The following ERC2 variants were observed in gnomAD, a reference collection of about 807,000 sequenced individuals.
The protein encoded by ERC2 is ERC protein 2.
ERC2 carries 42 observed loss-of-function variants against 114.8 expected under a neutral mutation model. The observed-to-expected ratio is 0.37, with a 90% CI of 0.29 to 0.47. The LOEUF is 0.47. Ranked by LOEUF, ERC2 falls within the 20% of genes least tolerant of loss-of-function variation. The pLI, the probability that ERC2 is intolerant of heterozygous loss-of-function variation, is 0.99. For missense variants in ERC2, 939 were observed against 1,150.7 expected, an observed-to-expected ratio of 0.82 and a Z score of 2.66; for synonymous variants, 454 against 425.5, an observed-to-expected ratio of 1.07 and a Z score of -0.82.
At chr3:56,320,350 C>T (rs1305130921) in intron 2 of ERC2, among the ~76,000 whole-genome samples, 1 of 152,216 alleles carries the variant, frequency 6.6e-6, no homozygotes, top group African/African-American at 2.4e-5. Context: ...TAGAACTTTA[C>T]TCCAAGTTCA....
At chr3:56,297,295 C>T (rs139663231) in intron 2 of ERC2, among the ~76,000 whole-genome samples, 7 of 151,702 alleles carry the variant, frequency 4.6e-5, no homozygotes, top group South Asian at 2.1e-4. Context: ...ATAGCATTGA[C>T]GTTTGATAGA....
At chr3:55,584,372 T>C (rs1299055047) in intron 17 of ERC2, among the ~76,000 whole-genome samples, 1 of 152,184 alleles carries the variant, frequency 6.6e-6, no homozygotes, top group Non-Finnish European at 1.5e-5. Context: ...CACGCCTGGT[T>C]TACATCAATG....
intron 6 of ERC2, among the ~76,000 whole-genome samples, chr3:56,112,861 T>C (rs559811607): frequency 2.6e-5 from 4 of 152,238 alleles, no homozygotes; most frequent in African/African-American, 7.2e-5. Context: ...CCTGCAAATA[T>C]GACTTACATA....
intron 14 of ERC2, among the ~76,000 whole-genome samples, chr3:55,836,481 C>G (rs1279334620): frequency 6.6e-6 from 1 of 152,172 alleles, no homozygotes; most frequent in Non-Finnish European, 1.5e-5. Context: ...TTTGACAAAC[C>G]TGAGAAAAAC....
intron 10 of ERC2, among the ~76,000 whole-genome samples, chr3:55,997,895 T>G (rs2071671494): frequency 7.4e-5 from 4 of 53,914 alleles, no homozygotes; most frequent in South Asian, 7.8e-4. Context: ...TTTTTTTTTT[T>G]TTTTTTTTTT....
At chr3:55,702,540 A>AT (rs5849107) in intron 15 of ERC2, among the ~76,000 whole-genome samples, 33 of 150,848 alleles carry the variant, frequency 2.2e-4, no homozygotes, top group African/African-American at 2.4e-4. Flanking sequence ...TCTCTTTTAA[A>AT]TTTTTTTTTT....
At chr3:56,089,747 G>C (rs1452993176) in intron 6 of ERC2, among the ~76,000 whole-genome samples, 3 of 152,140 alleles carry the variant, frequency 2.0e-5, no homozygotes, top group Non-Finnish European at 4.4e-5. Context: ...CCTAGGCTTA[G>C]AATTTCAATC....
chr3:56,047,347 A>G (rs924085315), intron 7 of ERC2, among the ~76,000 whole-genome samples: 2 of 152,210 alleles, frequency 1.3e-5, no homozygotes, highest in Non-Finnish European at 2.9e-5. Flanking sequence ...GGGGTAAGTG[A>G]TGCAAATCCA....
At chr3:55,542,728 C>G (rs928832853) in intron 17 of ERC2, among the ~76,000 whole-genome samples, 1 of 152,110 alleles carries the variant, frequency 6.6e-6, no homozygotes, top group Non-Finnish European at 1.5e-5. Context: ...TCTGGGTAAC[C>G]TTTTTCATCC....
chr3:56,304,991 C>G (rs1003803513), intron 2 of ERC2, among the ~76,000 whole-genome samples: 2 of 151,738 alleles, frequency 1.3e-5, no homozygotes, highest in Non-Finnish European at 2.9e-5. Context: ...TAAGTTAGGA[C>G]AGTAAGACCA....
At chr3:56,252,757 C>CAAAAAAAAAA (rs71099628) in intron 3 of ERC2, among the ~76,000 whole-genome samples, 27 of 74,112 alleles carry the variant, frequency 3.6e-4, no homozygotes, top group African/African-American at 1.3e-3. Context: ...AACTCTGTCT[C>CAAAAAAAAAA]AAAAAAAAAA....
intron 17 of ERC2, among the ~76,000 whole-genome samples, chr3:55,583,387 T>TTCCTTCCTTCCTTCCTTCCTTCC (rs1559692058): frequency 7.8e-6 from 1 of 127,682 alleles, no homozygotes; most frequent in Non-Finnish European, 1.6e-5. Context: ...TCCTTCTTTC[T>TTCCTTCCTTCCTTCCTTCCTTCC]TTCCTTCCTT....
intron 7 of ERC2, among the ~76,000 whole-genome samples, chr3:56,064,257 G>A (rs139357567): frequency 1.2e-3 from 189 of 152,296 alleles, no homozygotes; most frequent in African/African-American, 4.3e-3. Flanking sequence ...CGGTAACATG[G>A]AACTGCAGCA....
intron 17 of ERC2, among the ~76,000 whole-genome samples, chr3:55,513,506 GC>G (rs2107141021): frequency 6.6e-6 from 1 of 152,192 alleles, no homozygotes; most frequent in East Asian, 1.9e-4. Flanking sequence ...TTCCCAAGAA[GC>G]CTTTCTTGAC....
chr3:56,008,605 G>C (rs2072682189), intron 9 of ERC2, among the ~76,000 whole-genome samples: 1 of 152,152 alleles, frequency 6.6e-6, no homozygotes, highest in African/African-American at 2.4e-5. Context: ...TAAATTGCCA[G>C]ATGCAATAGC....
intron 4 of ERC2, among the ~76,000 whole-genome samples, chr3:56,152,893 G>A (rs967681387): frequency 6.6e-6 from 1 of 151,998 alleles, no homozygotes; most frequent in Non-Finnish European, 1.5e-5. Flanking sequence ...TATTTGATGG[G>A]CAACTAATAA....
At chr3:55,859,761 A>G (rs1367205382) in intron 14 of ERC2, among the ~76,000 whole-genome samples, 1 of 147,310 alleles carries the variant, frequency 6.8e-6, no homozygotes, top group Non-Finnish European at 1.5e-5. Context: ...ATGGAGCCAG[A>G]ACATCTAGGT....
intron 4 of ERC2, among the ~76,000 whole-genome samples, chr3:56,167,346 A>G (rs1227025660): frequency 6.6e-6 from 1 of 152,176 alleles, no homozygotes; most frequent in African/African-American, 2.4e-5. Flanking sequence ...ATGCAACTTC[A>G]GGAGTTAGAT....
At position 56,001,427 on chromosome 3, in the gene ERC2, T is replaced by C. The variant is rs150465392; in HGVS notation, c.2061+5754A>G. Reference sequence around the variant, plus strand: ...GCATCCCTATCAGTCCAAAAAACAATTGGACACCAAGACAGGGGGAGTTAA... The same window carrying C: ...GCATCCCTATCAGTCCAAAAAACAACTGGACACCAAGACAGGGGGAGTTAA... On this transcript the variant is annotated intron_variant, in intron 10 of 17. Coordinates refer to ENST00000288221, the MANE Select transcript of ERC2 (RefSeq NM_015576.3). Among the ~76,000 whole-genome samples, 13 of 152,154 alleles carry C rather than the reference T, an allele frequency of 8.5e-5. No homozygotes were observed. In the East Asian group the frequency reaches 1.4e-3, roughly 16 times the overall value.
Sources: allele counts gnomAD v4.1 joint callset (sites outside exome capture counted in the v4.1 genomes callset), GRCh38; gene constraint gnomAD v4.1.1; transcripts MANE v1.5; gene names NCBI Gene and HGNC (gene_info 2026-07-23, HGNC 2026-07-21).